ZKSCAN8: variants seen among roughly 807,000 people sequenced by gnomAD.
ZKSCAN8 encodes zinc finger with KRAB and SCAN domains 8.
Under a neutral mutation model 57.2 loss-of-function variants are expected in ZKSCAN8, and 27 were observed. The ratio of observed to expected loss-of-function variants is 0.47; its 90% CI spans 0.35 to 0.65. The LOEUF is 0.65. Ranked by LOEUF, ZKSCAN8 falls within the 30% of genes least tolerant of loss-of-function variation. ZKSCAN8 has a pLI of 0.01. For missense variants in ZKSCAN8, 597 were observed against 696.3 expected (o/e 0.86, Z 1.60); for synonymous variants, 214 against 248.7 (o/e 0.86, Z 1.31).
chr6:28,148,414 G>A lies in ZKSCAN8; in HGVS notation c.7G>A (p.Glu3Lys). MA[E>K]ESRKPSAPSP... ...CTGAGCTTTTCAGGCTCTAATGGCT[G>A]AAGAATCAAGAAAGCCTTCAGCCCC... The change falls in exon 2 of 6, where the codon GAA becomes AAA. Residue 3 changes from glutamate to lysine, a missense_variant. Transcript: ENST00000330236. The A allele has an allele frequency of 6.2e-7, 1 of 1,609,130 alleles. No individual in the cohort carries two copies.
Position 28,153,367 on chromosome 6 carries a change from T to A in ZKSCAN8, c.1087T>A (p.Ser363Thr). 1 of 1,613,386 alleles carries A rather than the reference T, an allele frequency of 6.2e-7. No homozygotes were observed. Among genetic ancestry groups the A allele is most frequent in the Non-Finnish European group, 8.5e-7 (1 of 1,179,828 alleles). Residue 363 changes from serine to threonine, a missense_variant, in exon 6 of 6, where the codon TCA (serine) becomes ACA (threonine). Coordinates refer to ENST00000330236, the MANE Select transcript of ZKSCAN8 (RefSeq NM_006298.4). Reference sequence around the variant, plus strand: ...GTGTGGTAAAGCCTTCAGTTACAGGTCAGCCCTTCTTTCACATCAGGATAT... The same window carrying A: ...GTGTGGTAAAGCCTTCAGTTACAGGACAGCCCTTCTTTCACATCAGGATAT... ...NVCGKAFSYRSALLSHQDIHN... is the reference protein window; with the variant it reads ...NVCGKAFSYRTALLSHQDIHN...
intron 3 of ZKSCAN8, among the ~76,000 whole-genome samples, chr6:28,150,995 G>A (rs1765573840): frequency 1.3e-5 from 2 of 151,982 alleles, no homozygotes; most frequent in African/African-American, 2.4e-5. Flanking sequence ...TTGTAGAGAC[G>A]AGGTTTCACT....
At position 28,148,735 on chromosome 6, in the gene ZKSCAN8, C is replaced by G; in HGVS notation, c.328C>G (p.Leu110Val). 2 of 1,614,170 alleles carry G rather than the reference C, an allele frequency of 1.2e-6. No homozygotes were observed. Among genetic ancestry groups the G allele is most frequent in the Non-Finnish European group, 1.7e-6 (2 of 1,180,034 alleles). ...CATCCTACCTGAGGAGCTCCAGACA[C>G]TGGTTAAGGAACATCAGCTAGAGAA... ...LTILPEELQT[L>V]VKEHQLENGE... Residue 110 changes from leucine (L) to valine (V), a missense_variant, in exon 2 of 6, where the codon CTG (leucine) becomes GTG (valine). Leu to Val is a conservative substitution (Grantham distance 32). Coordinates refer to ENST00000330236, the MANE Select transcript of ZKSCAN8 (RefSeq NM_006298.4).
At chr6:28,143,032 T>C (rs1423783798) in intron 1 of ZKSCAN8, among the ~76,000 whole-genome samples, 2 of 152,212 alleles carry the variant, frequency 1.3e-5, no homozygotes, top group Non-Finnish European at 2.9e-5. Context: ...AATTGAGTTG[T>C]GCCTTCAGCA....
At chr6:28,151,362 A>G (rs1765584139) in intron 3 of ZKSCAN8, among the ~76,000 whole-genome samples, 1 of 152,212 alleles carries the variant, frequency 6.6e-6, no homozygotes. Context: ...CTAAAGTCCT[A>G]AAGCTTGTTA....
chr6:28,148,372 T>G lies in ZKSCAN8; in HGVS notation c.-36T>G. The G allele has an allele frequency of 1.3e-6, 2 of 1,581,828 alleles. No individual in the cohort carries two copies. Among genetic ancestry groups the G allele is most frequent in the Non-Finnish European group, 1.7e-6 (2 of 1,163,994 alleles). Reference sequence around the variant, plus strand: ...TCTTCTCTTAAGAAGATAAAGAAGGTAGTGGAAACGAACTTCCTGAGCTTT... The same window carrying G: ...TCTTCTCTTAAGAAGATAAAGAAGGGAGTGGAAACGAACTTCCTGAGCTTT... On this transcript the variant is annotated 5_prime_UTR_variant, in exon 2 of 6. Coordinates refer to ENST00000330236, the MANE Select transcript of ZKSCAN8 (RefSeq NM_006298.4).
chr6:28,153,103 A>G lies in ZKSCAN8; in HGVS notation c.823A>G (p.Ile275Val), dbSNP rs577067470. Reference protein sequence around the residue: ...ENRELASKQVISTGIQPHGET... With the variant: ...ENRELASKQVVSTGIQPHGET... ...CAGGGAATTAGCTTCAAAACAGGTA[A>G]TATCTACTGGAATCCAGCCACATGG... is the stretch of plus-strand genomic sequence containing the variant. Residue 275 changes from isoleucine (I) to valine (V), a missense_variant, in exon 6 of 6, where the codon ATA (isoleucine) becomes GTA (valine). By Grantham distance (29) the Ile-to-Val change is conservative. Transcript: ENST00000330236. The G allele has an allele frequency of 3.1e-6, 5 of 1,614,182 alleles. No individual in the cohort carries two copies. Among genetic ancestry groups the G allele is most frequent in the Non-Finnish European group, 4.2e-6 (5 of 1,180,032 alleles).
At chr6:28,146,272 G>A (rs533629016) in intron 1 of ZKSCAN8, among the ~76,000 whole-genome samples, 1 of 152,272 alleles carries the variant, frequency 6.6e-6, no homozygotes, top group East Asian at 1.9e-4. Flanking sequence ...ATTAAGTTTT[G>A]AAGTCAGAAT....
chr6:28,154,423 G>T lies in ZKSCAN8; in HGVS notation c.*406G>T, dbSNP rs1380071004. ...CTCTCCCATTTATTCCCTTGAAGGT[G>T]CCCTTGTATTCCTAATCTGATCTAA... On this transcript the variant is annotated 3_prime_UTR_variant, in exon 6 of 6. Transcript: ENST00000330236. 1 of 166,302 alleles carries T rather than the reference G, an allele frequency of 6.0e-6. No homozygotes were observed. Among genetic ancestry groups the T allele is most frequent in the African/African-American group, 2.4e-5 (1 of 41,750 alleles). The allele number at this position is 166,302 out of a possible 1,614,324, so 10.3% of individuals were successfully genotyped here. A position where few individuals can be genotyped will look rare whatever the true frequency, so the allele number is the denominator to read the frequency against.
upstream of ZKSCAN8, among the ~76,000 whole-genome samples, chr6:28,141,646 T>G (rs976307388): frequency 2.6e-5 from 4 of 152,190 alleles, no homozygotes; most frequent in African/African-American, 4.8e-5. Flanking sequence ...CGGAGCTGCA[T>G]GGGCACACAA....
At chr6:28,145,892 A>G (rs1765377159) in intron 1 of ZKSCAN8, among the ~76,000 whole-genome samples, 1 of 152,162 alleles carries the variant, frequency 6.6e-6, no homozygotes, top group Non-Finnish European at 1.5e-5. Flanking sequence ...GCAAAGCCCC[A>G]TTTCCAAATA....
intron 3 of ZKSCAN8, 30 bp from the exon 4 acceptor site, chr6:28,151,815 G>A (rs925621952): frequency 6.3e-7 from 1 of 1,577,190 alleles, no homozygotes; most frequent in East Asian, 2.2e-5. Context: ...GACAGGACTG[G>A]TCTCATTCAT....
chr6:28,155,584 TA>T lies in ZKSCAN8; in HGVS notation c.*1570del, dbSNP rs1470758048. ...TTTTGGGCTTTCCAAAATTAACCTT[TA>T]AACTTAAAATTGATTACATTGAGCC... On this transcript the variant is annotated 3_prime_UTR_variant, in exon 6 of 6. Transcript: ENST00000330236. 1 of 152,190 alleles carries T rather than the reference TA, an allele frequency of 6.6e-6. No homozygotes were observed. Among genetic ancestry groups the T allele is most frequent in the Non-Finnish European group, 1.5e-5 (1 of 68,038 alleles). 9.4% of individuals were successfully genotyped at this position (152,190 alleles called of 1,614,324 possible).
At position 28,148,615 on chromosome 6, in the gene ZKSCAN8, A is replaced by T; in HGVS notation, c.208A>T (p.Ile70Phe). 2 of 1,614,084 alleles carry T rather than the reference A, an allele frequency of 1.2e-6. No homozygotes were observed. The highest frequency in any genetic ancestry group is 1.7e-6 in the Non-Finnish European group (2 of 1,179,990). ...QETLGPREAL[I>F]QLRALCHQWL... ...GACACTAGGACCCCGAGAAGCTCTG[A>T]TCCAACTACGGGCCCTTTGCCATCA... The change falls in exon 2 of 6, where the codon ATC (isoleucine) becomes TTC (phenylalanine). Residue 70 changes from isoleucine to phenylalanine, a missense_variant. Transcript: ENST00000330236.
chr6:28,146,553 A>C (rs886893191), intron 1 of ZKSCAN8, among the ~76,000 whole-genome samples: 2 of 152,232 alleles, frequency 1.3e-5, no homozygotes, highest in African/African-American at 4.8e-5. Flanking sequence ...CCCTAAAATG[A>C]GCTATGGATT....
Position 28,155,316 on chromosome 6 carries a change from A to G in ZKSCAN8, c.*1299A>G, listed in dbSNP as rs561693788. On this transcript the variant is annotated 3_prime_UTR_variant, in exon 6 of 6. Coordinates refer to ENST00000330236, the MANE Select transcript of ZKSCAN8 (RefSeq NM_006298.4). Reference sequence around the variant, plus strand: ...TCATCTTTGAGGCTTTTGTTATACCAAGGAATACTATATAAAGTAATGAGA... The same window carrying G: ...TCATCTTTGAGGCTTTTGTTATACCGAGGAATACTATATAAAGTAATGAGA... 6.6e-6 allele frequency: 1 copy of G among 152,318 alleles called. No homozygotes were observed. The highest frequency in any genetic ancestry group is 1.5e-5 in the Non-Finnish European group (1 of 68,022). The allele number at this position is 152,318 out of a possible 1,614,324, so 9.4% of individuals were successfully genotyped here. A position where few individuals can be genotyped will look rare whatever the true frequency, so the allele number is the denominator to read the frequency against.
At position 28,153,998 on chromosome 6, in the gene ZKSCAN8, C is replaced by G. The variant is rs374105856; in HGVS notation, c.1718C>G (p.Ser573Cys). 1 of 1,601,552 alleles carries G rather than the reference C, an allele frequency of 6.2e-7. No homozygotes were observed. The highest frequency in any genetic ancestry group is 1.3e-5 in the African/African-American group (1 of 74,200). The change falls in exon 6 of 6, where the codon TCT becomes TGT. Residue 573 changes from serine (S) to cysteine (C), a missense_variant. Coordinates refer to ENST00000330236, the MANE Select transcript of ZKSCAN8 (RefSeq NM_006298.4). ...RHQRIHSGEK[S>C]ESISV is the part of the protein sequence containing the mutation. ...CAGAGAATCCACAGTGGTGAAAAAT[C>G]TGAATCCATAAGCGTTTAGGAACAA...
chr6:28,153,176 A>ATCT lies in ZKSCAN8; in HGVS notation c.897_898insCTT (p.His299_Glu300insLeu), dbSNP rs751886592. 1 of 1,614,222 alleles carries ATCT rather than the reference A, an allele frequency of 6.2e-7. No homozygotes were observed. The highest frequency in any genetic ancestry group is 1.7e-5 in the Admixed American group (1 of 60,020). On this transcript the variant is annotated inframe_insertion, in exon 6 of 6. Coordinates refer to ENST00000330236, the MANE Select transcript of ZKSCAN8 (RefSeq NM_006298.4). ...GGGGATGTTATCAGGGGTCTTGAGC[A>ATCT]TGAAGAAGCCCGAGACCTTCTGGGC...
At position 28,149,634 on chromosome 6, in the gene ZKSCAN8, C is replaced by T. The variant is rs1035500997; in HGVS notation, c.559+10C>T. On this transcript the variant is annotated intron_variant, in intron 3 of 5. Transcript: ENST00000330236. ...GAGTCACAAGAGAGAGGTGAGTAGC[C>T]AGATTTCATTGATGATAAGGGGGGG... 6 of 1,613,052 alleles carry T rather than the reference C, an allele frequency of 3.7e-6. No individual in the cohort carries two copies. Among genetic ancestry groups the T allele is most frequent in the Admixed American group, 1.7e-5 (1 of 59,886 alleles).
Sources: gnomAD v4.1 joint callset for allele counts (sites outside exome capture counted in the v4.1 genomes callset) on GRCh38, gnomAD v4.1.1 for gene constraint, MANE v1.5 for transcripts, NCBI Gene and HGNC (gene_info 2026-07-23, HGNC 2026-07-21) for gene names.